The following ABCA8 variants were observed in gnomAD, a reference collection of about 807,000 sequenced individuals.
The protein encoded by ABCA8 is ABC-type organic anion transporter ABCA8.
ABCA8 carries 177 observed loss-of-function variants against 192.3 expected under a neutral mutation model. That is an observed-to-expected ratio of 0.92 (90% CI 0.81 to 1.04). The LOEUF is 1.04. Among genes scored for constraint, ABCA8 ranks in the 50% least tolerant of loss-of-function variants. The pLI, the probability that ABCA8 is intolerant of heterozygous loss-of-function variation, is 0.00. For synonymous variants in ABCA8, 642 were observed against 690.2 expected (o/e 0.93, Z 1.09); for missense variants, 1,915 against 1,904.8 (o/e 1.01, Z -0.10).
chr17:68,937,781 G>T (rs186411045), intron 4 of ABCA8, among the ~76,000 whole-genome samples: 1 of 152,150 alleles, frequency 6.6e-6, no homozygotes, highest in Admixed American at 6.6e-5. Flanking sequence ...TCAAACTTAT[G>T]TCATCATGAG....
intron 37 of ABCA8, among the ~76,000 whole-genome samples, chr17:68,872,178 A>C (rs1410402897): frequency 6.6e-6 from 1 of 151,846 alleles, no homozygotes. Context: ...CTTGGAACCA[A>C]CCCAAATGTC....
Position 68,877,569 on chromosome 17 carries a change from G to A in ABCA8, c.4149C>T (p.Tyr1383=), listed in dbSNP as rs745870410. The A allele has an allele frequency of 1.4e-5, 22 of 1,613,846 alleles. No individual in the cohort carries two copies. The highest frequency in any genetic ancestry group is 9.9e-5 in the South Asian group (9 of 91,060). Residue 1383 remains tyrosine (Y), a synonymous_variant, in exon 33 of 40, where the codon TAC becomes TAT. Transcript: ENST00000586539. The stretch of plus-strand genomic sequence containing the variant: ...CTTTCCTCAGCCCTTTCACGGCGGC[G>A]TACACCTCCAGGTGCTGCCTCACTG... The part of the protein sequence containing the change: ...NLTVRQHLEV[Y]AAVKGLRKGD...
Position 68,903,407 on chromosome 17 carries a change from T to C in ABCA8, c.2491A>G (p.Met831Val). 1 of 1,614,206 alleles carries C rather than the reference T, an allele frequency of 6.2e-7. No individual in the cohort carries two copies. The highest frequency in any genetic ancestry group is 8.5e-7 in the Non-Finnish European group (1 of 1,180,028). The change falls in exon 20 of 40, where the codon ATG becomes GTG. Residue 831 changes from methionine to valine, a missense_variant. Physicochemically the swap from Met to Val is conservative, Grantham distance 21 (BLOSUM62 1). Transcript: ENST00000586539. ...MEQVLSSLNKMRKTIGGVALW... is the reference protein window; with the variant it reads ...MEQVLSSLNKVRKTIGGVALW... ...GCCACACCACCTATTGTCTTTCTCA[T>C]CTTGTTAAGTGAAGAGAGGACTTGT... is the stretch of plus-strand genomic sequence containing the variant.
intron 20 of ABCA8, 122 bp downstream of exon 20, chr17:68,903,179 G>T: frequency 1.9e-6 from 2 of 1,050,314 alleles, no homozygotes; most frequent in Non-Finnish European, 2.8e-6. Flanking sequence ...CCACTGTGAT[G>T]CTTTCCCTTT....
chr17:68,883,723 G>C, intron 29 of ABCA8, 68 bp downstream of exon 29: 1 of 1,044,350 alleles, frequency 9.6e-7, no homozygotes, highest in Non-Finnish European at 1.4e-6. Flanking sequence ...TTAATGAATT[G>C]ATTTATGCAT....
intron 21 of ABCA8, among the ~76,000 whole-genome samples, chr17:68,895,932 C>T (rs571005406): frequency 5.9e-5 from 9 of 152,080 alleles, no homozygotes; most frequent in African/African-American, 1.7e-4. Flanking sequence ...GGCAGAGTTT[C>T]CACGACAGGA....
At chr17:68,919,140 A>G (rs917972089) in intron 14 of ABCA8, among the ~76,000 whole-genome samples, 161 bp downstream of exon 14, 1 of 152,210 alleles carries the variant, frequency 6.6e-6, no homozygotes, top group Non-Finnish European at 1.5e-5. Context: ...TGCTTGGCGC[A>G]TTGTAAATTA....
intron 14 of ABCA8, 138 bp from the exon 15 acceptor site, chr17:68,918,684 A>G: frequency 2.5e-6 from 2 of 808,926 alleles, no homozygotes; most frequent in Non-Finnish European, 3.5e-6. Flanking sequence ...CCATAGTCTC[A>G]GCACTTTGGG....
In ABCA8 at chr17:68,881,152, T is replaced by A; in HGVS notation, c.4006A>T (p.Ile1336Leu). ...GCAGTTGGTTTTGTGTCTCCAGTTA[T>A]CACCTTAATGGATGTGCTTTTACCA... ...GAGKSTSIKV[I>L]TGDTKPTAGQ... The change falls in exon 32 of 40, where the codon ATA (isoleucine) becomes TTA (leucine). Residue 1336 changes from isoleucine to leucine, a missense_variant. By Grantham distance (5) the Ile-to-Leu change is conservative (BLOSUM62 2). Coordinates refer to ENST00000586539, the MANE Select transcript of ABCA8 (RefSeq NM_001288985.2). The A allele has an allele frequency of 1.2e-6, 2 of 1,614,014 alleles. No homozygotes were observed. Among genetic ancestry groups the A allele is most frequent in the Non-Finnish European group, 1.7e-6 (2 of 1,179,892 alleles).
intron 2 of ABCA8, among the ~76,000 whole-genome samples, chr17:68,944,355 T>TACAC (rs2068329423): frequency 4.5e-5 from 4 of 88,996 alleles, no homozygotes; most frequent in African/African-American, 9.0e-5. Flanking sequence ...TATATATATA[T>TACAC]ATATACACAT....
At chr17:68,935,446 C>T (rs925042426) in intron 5 of ABCA8, among the ~76,000 whole-genome samples, 7 of 150,012 alleles carry the variant, frequency 4.7e-5, no homozygotes, top group Non-Finnish European at 7.4e-5. Flanking sequence ...CTTTATTTTT[C>T]ACTATCTCTA....
In ABCA8 at chr17:68,924,720, G is replaced by A. The variant is rs1221677419; in HGVS notation, c.1423C>T (p.Gln475Ter). 1 of 1,613,334 alleles carries A rather than the reference G, an allele frequency of 6.2e-7. No individual in the cohort carries two copies. The highest frequency in any genetic ancestry group is 8.5e-7 in the Non-Finnish European group (1 of 1,179,784). Residue 475 changes from glutamine to a stop codon, truncating the protein, a stop_gained, in exon 11 of 40, where the codon CAA becomes TAA. Coordinates refer to ENST00000586539, the MANE Select transcript of ABCA8 (RefSeq NM_001288985.2). LOFTEE classifies it high-confidence loss of function. ...TATTACCTGATGGCTTCTTTCCCTT[G>A]GAATTCTGGAGGCGCTTGTTCAAAA... Reference protein sequence around the residue: ...DSFEQAPPEFQGKEAIRIRNV... With the variant: ...DSFEQAPPEF
chr17:68,894,194 A>T lies in ABCA8; in HGVS notation c.3015T>A (p.Thr1005=). ...GMVKPSVHIR[T]ERSTFLENGQ... is the part of the protein sequence containing the mutation. Reference sequence around the variant, plus strand: ...TTACCTCCAAAAATGTACTTCTTTCAGTTCGGATATGTACTGATGGTTTAA... The same window carrying T: ...TTACCTCCAAAAATGTACTTCTTTCTGTTCGGATATGTACTGATGGTTTAA... The change falls in exon 23 of 40, where the codon ACT becomes ACA. Residue 1005 remains threonine (T), a synonymous_variant. Coordinates refer to ENST00000586539, the MANE Select transcript of ABCA8 (RefSeq NM_001288985.2). The T allele has an allele frequency of 6.2e-7, 1 of 1,613,420 alleles. No homozygotes were observed. The highest frequency in any genetic ancestry group is 1.1e-5 in the South Asian group (1 of 91,074).
chr17:68,920,842 A>T (rs928107347), intron 13 of ABCA8, among the ~76,000 whole-genome samples: 23 of 152,058 alleles, frequency 1.5e-4, no homozygotes, highest in Non-Finnish European at 5.9e-5. Context: ...CAGCCATCCC[A>T]TTACTGGGTA....
intron 2 of ABCA8, among the ~76,000 whole-genome samples, chr17:68,944,311 TAA>T (rs1218652287): frequency 7.8e-5 from 7 of 89,444 alleles, no homozygotes; most frequent in South Asian, 3.6e-4. Context: ...GCCCAGAACT[TAA>T]AGTTATATAT....
rs2143416695 is a variant in ABCA8, at chr17:68,894,974, T to C, written c.2804A>G (p.Gln935Arg). 6.2e-7 allele frequency: 1 copy of C among 1,613,646 alleles called. No homozygotes were observed. Among genetic ancestry groups the C allele is most frequent in the Middle Eastern group, 1.7e-4 (1 of 6,044 alleles). Residue 935 changes from glutamine (Q) to arginine (R), a missense_variant, in exon 22 of 40, where the codon CAG (glutamine) becomes CGG (arginine). Physicochemically the swap from Gln to Arg is conservative, Grantham distance 43. Coordinates refer to ENST00000586539, the MANE Select transcript of ABCA8 (RefSeq NM_001288985.2). Reference protein sequence around the residue: ...IDDFIQSVEHQNIALEVDAFG... With the variant: ...IDDFIQSVEHRNIALEVDAFG... ...TGCATCCACTTCTAAAGCTATGTTC[T>C]GGTGCTCCACAGACTGTATAAAGTC...
chr17:68,902,133 T>C (rs2066931835), intron 21 of ABCA8, among the ~76,000 whole-genome samples: 1 of 152,204 alleles, frequency 6.6e-6, no homozygotes, highest in South Asian at 2.1e-4. Flanking sequence ...GATACATAGA[T>C]AAATGCTACA....
At chr17:68,907,696 A>G in intron 18 of ABCA8, 44 bp downstream of exon 18, 1 of 1,470,058 alleles carries the variant, frequency 6.8e-7, no homozygotes. Flanking sequence ...GATGATGATG[A>G]CTATTATTCA....
intron 37 of ABCA8, among the ~76,000 whole-genome samples, chr17:68,872,235 G>A (rs2066077468): frequency 1.3e-5 from 2 of 152,000 alleles, no homozygotes; most frequent in African/African-American, 2.4e-5. Context: ...TATACACCAT[G>A]GAATACTATG....
Sources: gnomAD v4.1 joint callset for allele counts (sites outside exome capture counted in the v4.1 genomes callset) on GRCh38, gnomAD v4.1.1 for gene constraint, MANE v1.5 for transcripts, NCBI Gene and HGNC (gene_info 2026-07-23, HGNC 2026-07-21) for gene names.